The following CSMD1 variants were observed in gnomAD, a reference collection of about 807,000 sequenced individuals.
CSMD1 encodes the protein CUB and Sushi multiple domains 1.
Under a neutral mutation model 417.5 loss-of-function variants are expected in CSMD1, and 213 were observed. That is an observed-to-expected ratio of 0.51 (90% CI 0.46 to 0.57). The LOEUF is 0.57. Among genes scored for constraint, CSMD1 ranks in the 20% least tolerant of loss-of-function variants. The pLI is 0.00. For missense variants in CSMD1, 6,923 were observed against 4,529.7 expected, an observed-to-expected ratio of 1.53 and a Z score of -15.17; for synonymous variants, 2,862 against 1,736.8, an observed-to-expected ratio of 1.65 and a Z score of -16.11.
In CSMD1 at chr8:4,031,993, G is replaced by A. The variant is rs772961981; in HGVS notation, c.522C>T (p.Gly174=). 10 of 1,613,808 alleles carry A rather than the reference G, an allele frequency of 6.2e-6. No homozygotes were observed. Among genetic ancestry groups the A allele is most frequent in the Non-Finnish European group, 8.5e-6 (10 of 1,179,844 alleles). ...GGATGGCGTGGCCTTCCAAGATGTA[G>A]CCAGGGAGGCAGCTGTACCGGATTT... ...GDKIRYSCLP[G]YILEGHAILT... The change falls in exon 4 of 70, where the codon GGC becomes GGT. Residue 174 remains glycine (G), a synonymous_variant. Coordinates refer to ENST00000635120, the MANE Select transcript of CSMD1 (RefSeq NM_033225.6).
At chr8:4,258,068 C>G (rs998283852) in intron 3 of CSMD1, among the ~76,000 whole-genome samples, 6 of 151,762 alleles carry the variant, frequency 4.0e-5, no homozygotes, top group Admixed American at 1.3e-4. Flanking sequence ...CTCAGCCTCC[C>G]TAGTAACTGG....
intron 2 of CSMD1, among the ~76,000 whole-genome samples, chr8:4,447,807 C>G (rs1052533837): frequency 2.0e-5 from 3 of 152,102 alleles, no homozygotes; most frequent in Non-Finnish European, 2.9e-5. Flanking sequence ...ACGAACACAA[C>G]TAAGAAGTCA....
At chr8:4,248,969 C>G (rs1216982773) in intron 3 of CSMD1, among the ~76,000 whole-genome samples, 1 of 152,110 alleles carries the variant, frequency 6.6e-6, no homozygotes, top group Non-Finnish European at 1.5e-5. Flanking sequence ...CTTTTAATAT[C>G]ATAATTCAAA....
chr8:3,930,321 C>T lies in CSMD1; in HGVS notation c.818+67582G>A, dbSNP rs113989782. On this transcript the variant is annotated intron_variant, in intron 5 of 69. Coordinates refer to ENST00000635120, the MANE Select transcript of CSMD1 (RefSeq NM_033225.6). The stretch of plus-strand genomic sequence containing the variant: ...CTTTATTCAAAGACCTGTGCTAACA[C>T]TCTTAAATATCTGCCAGCCATAATA... Among the ~76,000 whole-genome samples the T allele has an allele frequency of 2.1e-4, 31 of 150,642 alleles. 1 individual carries two copies. The highest frequency in any genetic ancestry group is 5.8e-4 in the East Asian group (3 of 5,132).
intron 5 of CSMD1, among the ~76,000 whole-genome samples, chr8:3,771,343 G>C (rs755554419): frequency 2.7e-4 from 41 of 152,238 alleles, no homozygotes; most frequent in South Asian, 4.1e-4. Flanking sequence ...AAAGAAGAAC[G>C]CTTAGAAATT....
At chr8:3,538,610 T>A (rs1297291254) in intron 10 of CSMD1, among the ~76,000 whole-genome samples, 1 of 152,244 alleles carries the variant, frequency 6.6e-6, no homozygotes, top group Non-Finnish European at 1.5e-5. Flanking sequence ...GTGAGCCCCA[T>A]TCCCCACCAC....
intron 7 of CSMD1, among the ~76,000 whole-genome samples, chr8:3,646,249 G>C (rs1277076001): frequency 6.6e-6 from 1 of 152,072 alleles, no homozygotes; most frequent in East Asian, 1.9e-4. Flanking sequence ...AAAGAAACGT[G>C]ATATGCTGAG....
At chr8:3,978,783 G>T (rs1407547577) in intron 5 of CSMD1, among the ~76,000 whole-genome samples, 3 of 152,118 alleles carry the variant, frequency 2.0e-5, no homozygotes, top group Non-Finnish European at 4.4e-5. Flanking sequence ...GCTTTTAAGG[G>T]AAAGCAGCTT....
rs577088668 is a variant in CSMD1, at chr8:3,964,915, T to A, written c.818+32988A>T. Among the ~76,000 whole-genome samples, 36 of 152,202 alleles carry A rather than the reference T, an allele frequency of 2.4e-4. 1 individual carries two copies. The highest frequency in any genetic ancestry group is 4.6e-4 in the Non-Finnish European group (31 of 68,038). ...TTTAAAAAGTTCAATACAATTAAGT[T>A]CTTAAATATTTGTCTTCATTTTGGG... On this transcript the variant is annotated intron_variant, in intron 5 of 69. Coordinates refer to ENST00000635120, the MANE Select transcript of CSMD1 (RefSeq NM_033225.6).
intron 2 of CSMD1, among the ~76,000 whole-genome samples, chr8:4,509,860 A>AGT (rs1374341122): frequency 1.3e-5 from 2 of 152,310 alleles, no homozygotes; most frequent in South Asian, 2.1e-4. Flanking sequence ...GCTGGTGCTT[A>AGT]GTAGGACAAG....
In CSMD1 at chr8:3,359,265, C is replaced by A. The variant is rs767330925; in HGVS notation, c.3191G>T (p.Gly1064Val). The A allele has an allele frequency of 6.2e-7, 1 of 1,613,816 alleles. No homozygotes were observed. Among genetic ancestry groups the A allele is most frequent in the South Asian group, 1.1e-5 (1 of 91,080 alleles). Residue 1064 changes from glycine (G) to valine (V), a missense_variant, in exon 21 of 70, where the codon GGA becomes GTA. By Grantham distance (109) the Gly-to-Val change is moderately radical. Transcript: ENST00000635120. ...SRRIGFHFGV[G>V]DSLTFSCFLG... ...GAAGCAGGAAAACGTCAGAGAGTCT[C>A]CCACACCAAAGTGAAAACCAATTCT...
At chr8:3,591,418 A>G (rs1404717141) in intron 8 of CSMD1, among the ~76,000 whole-genome samples, 3 of 152,238 alleles carry the variant, frequency 2.0e-5, no homozygotes, top group Admixed American at 2.0e-4. Flanking sequence ...TTGTAATACA[A>G]GCAATTTCTA....
chr8:4,120,273 G>A (rs35294570), intron 3 of CSMD1, among the ~76,000 whole-genome samples: 23,592 of 150,334 alleles, frequency 0.16, 2,009 homozygotes, highest in South Asian at 0.3. Context: ...GGGTAAAGAA[G>A]GGTTTTCACC....
chr8:3,631,311 C>G (rs1235073476), intron 7 of CSMD1, among the ~76,000 whole-genome samples: 1 of 152,150 alleles, frequency 6.6e-6, no homozygotes, highest in Non-Finnish European at 1.5e-5. Flanking sequence ...GATTTTCTGT[C>G]TGGTTTATTG....
At chr8:3,366,868 G>C (rs1455430049) in intron 20 of CSMD1, among the ~76,000 whole-genome samples, 164 bp downstream of exon 20, 1 of 152,134 alleles carries the variant, frequency 6.6e-6, no homozygotes, top group South Asian at 2.1e-4. Flanking sequence ...CCTGCTTCGT[G>C]GAGGCTCAGC....
At chr8:4,221,032 G>A (rs1292043743) in intron 3 of CSMD1, among the ~76,000 whole-genome samples, 1 of 152,144 alleles carries the variant, frequency 6.6e-6, no homozygotes, top group Non-Finnish European at 1.5e-5. Flanking sequence ...GCCAGTGATT[G>A]TCCAGCTTTT....
chr8:3,747,676 C>G (rs756697903), intron 6 of CSMD1, among the ~76,000 whole-genome samples: 6 of 151,982 alleles, frequency 3.9e-5, no homozygotes, highest in Admixed American at 1.3e-4. Flanking sequence ...CCTGTTGTGC[C>G]TAGCTGCTCA....
chr8:4,950,008 G>C (rs1289158147), intron 1 of CSMD1, among the ~76,000 whole-genome samples: 1 of 152,100 alleles, frequency 6.6e-6, no homozygotes, highest in Non-Finnish European at 1.5e-5. Flanking sequence ...ACTATTGATT[G>C]AGATTAAAGC....
intron 1 of CSMD1, among the ~76,000 whole-genome samples, chr8:4,750,078 TC>T (rs1279973724): frequency 6.6e-6 from 1 of 152,112 alleles, no homozygotes; most frequent in African/African-American, 2.4e-5. Context: ...CGATCTCGGC[TC>T]ACCGCAAGCT....
Sources: allele counts gnomAD v4.1 joint callset (sites outside exome capture counted in the v4.1 genomes callset), GRCh38; gene constraint gnomAD v4.1.1; transcripts MANE v1.5; gene names NCBI Gene and HGNC (gene_info 2026-07-23, HGNC 2026-07-21).